Variants in RAP1A observed in about 807,000 individuals in gnomAD.
The protein encoded by RAP1A is RAP1A, member of RAS oncogene family.
A neutral mutation model predicts 26.4 loss-of-function variants in RAP1A; 6 were observed. That is an observed-to-expected ratio of 0.23 (90% confidence interval 0.12 to 0.45). The LOEUF is 0.45. Ranked by LOEUF, RAP1A falls within the 20% of genes least tolerant of loss-of-function variation. RAP1A has a pLI of 0.99. For synonymous variants in RAP1A, 73 were observed against 79.4 expected, an observed-to-expected ratio of 0.92 and a Z score of 0.43; for missense variants, 121 against 217.2, an observed-to-expected ratio of 0.56 and a Z score of 2.78.
chr1:111,684,859 A>G (rs1316704711), intron 1 of RAP1A, among the ~76,000 whole-genome samples: 4 of 152,206 alleles, frequency 2.6e-5, no homozygotes, highest in African/African-American at 9.6e-5. Flanking sequence ...AGCTGGAGGT[A>G]TCACACTACC....
At chr1:111,601,626 T>C (rs1658673993) in intron 1 of RAP1A, among the ~76,000 whole-genome samples, 2 of 152,224 alleles carry the variant, frequency 1.3e-5, no homozygotes. Flanking sequence ...CCTGTCTATG[T>C]ACCATCTTCC....
intron 1 of RAP1A, among the ~76,000 whole-genome samples, chr1:111,546,216 T>C (rs1349013019): frequency 6.6e-6 from 1 of 152,208 alleles, no homozygotes; most frequent in Non-Finnish European, 1.5e-5. Flanking sequence ...ATTTAGAAAG[T>C]ACTGCCATCA....
chr1:111,623,785 AC>A (rs1325400246), intron 1 of RAP1A, among the ~76,000 whole-genome samples: 1 of 152,210 alleles, frequency 6.6e-6, no homozygotes, highest in Non-Finnish European at 1.5e-5. Flanking sequence ...AAACTATACC[AC>A]TGTGAGGGCT....
At chr1:111,643,655 T>G (rs1659962495) in intron 1 of RAP1A, among the ~76,000 whole-genome samples, 1 of 152,196 alleles carries the variant, frequency 6.6e-6, no homozygotes, top group East Asian at 1.9e-4. Flanking sequence ...TTAAATGCCT[T>G]GTGGATGTAC....
intron 1 of RAP1A, among the ~76,000 whole-genome samples, chr1:111,559,178 A>C (rs1039354479): frequency 6.6e-6 from 1 of 152,186 alleles, no homozygotes; most frequent in African/African-American, 2.4e-5. Context: ...GATACAACTA[A>C]ACTAGTATTT....
intron 1 of RAP1A, among the ~76,000 whole-genome samples, chr1:111,572,947 T>C (rs1185494489): frequency 6.6e-6 from 1 of 152,194 alleles, no homozygotes. Context: ...CCCCTCTTTG[T>C]GTCCATGTGT....
chr1:111,657,005 C>G (rs1473606539), intron 1 of RAP1A, among the ~76,000 whole-genome samples: 2 of 151,690 alleles, frequency 1.3e-5, no homozygotes, highest in African/African-American at 2.4e-5. Flanking sequence ...TTCCCCATCC[C>G]CCTTCTCCGC....
At chr1:111,694,015 A>G (rs868449083) in intron 2 of RAP1A, among the ~76,000 whole-genome samples, 1 of 151,906 alleles carries the variant, frequency 6.6e-6, no homozygotes. Context: ...TAGCTACCCA[A>G]GTAGCTGGGA....
At chr1:111,617,940 G>A (rs1045585982), upstream of RAP1A, among the ~76,000 whole-genome samples, 8 of 151,868 alleles carry the variant, frequency 5.3e-5, no homozygotes, top group African/African-American at 1.9e-4. Flanking sequence ...CTGCTTTGGA[G>A]GCTGAGACAG....
intron 3 of RAP1A, among the ~76,000 whole-genome samples, chr1:111,696,066 G>A (rs1661818493): frequency 6.6e-6 from 1 of 152,178 alleles, no homozygotes; most frequent in South Asian, 2.1e-4. Context: ...CCTCAGTTTT[G>A]CTGTGAAACT....
At chr1:111,623,498 C>T (rs1180808033) in intron 1 of RAP1A, among the ~76,000 whole-genome samples, 2 of 152,108 alleles carry the variant, frequency 1.3e-5, no homozygotes, top group Non-Finnish European at 2.9e-5. Flanking sequence ...CCTCTGCCTC[C>T]GAGGTTCAAG....
intron 1 of RAP1A, among the ~76,000 whole-genome samples, chr1:111,566,619 T>C (rs927700950): frequency 6.6e-6 from 1 of 152,230 alleles, no homozygotes; most frequent in Non-Finnish European, 1.5e-5. Flanking sequence ...TTTTTGGAAG[T>C]TAATGTATTC....
At chr1:111,698,203 CT>C in intron 4 of RAP1A, among the ~76,000 whole-genome samples, 1 of 152,130 alleles carries the variant, frequency 6.6e-6, no homozygotes, top group South Asian at 2.1e-4. Context: ...CTTTGCTTTT[CT>C]TTGTTTATTT....
At chr1:111,675,688 A>G (rs970058597) in intron 1 of RAP1A, among the ~76,000 whole-genome samples, 2 of 152,098 alleles carry the variant, frequency 1.3e-5, no homozygotes, top group African/African-American at 4.8e-5. Context: ...TACTTTGCAA[A>G]TGCCTGATTC....
intron 1 of RAP1A, among the ~76,000 whole-genome samples, chr1:111,627,857 AATAAAT>A (rs1351296860): frequency 1.3e-5 from 2 of 151,958 alleles, no homozygotes; most frequent in African/African-American, 4.8e-5. Context: ...TATAGTATGT[AATAAAT>A]ATAAATATTA....
intron 1 of RAP1A, among the ~76,000 whole-genome samples, chr1:111,683,243 A>G (rs961704361): frequency 6.6e-5 from 10 of 152,212 alleles, no homozygotes. Context: ...ACACCCTAGC[A>G]TCACAATTAA....
At chr1:111,709,491 T>C (rs1662308161) in intron 7 of RAP1A, among the ~76,000 whole-genome samples, 1 of 151,956 alleles carries the variant, frequency 6.6e-6, no homozygotes, top group African/African-American at 2.4e-5. Context: ...CTTGCCACTG[T>C]GTCCCCAGTG....
upstream of RAP1A, chr1:111,619,785 C>CGCTGCCGCCGCTCCCGAGGCCCCT (rs1659112777): frequency 5.0e-6 from 2 of 397,516 alleles, no homozygotes; most frequent in African/African-American, 4.1e-5. Flanking sequence ...CTGGAGGAGG[C>CGCTGCCGCCGCTCCCGAGGCCCCT]GCCGCCGCCG....
rs187590949 is a variant in RAP1A, at chr1:111,562,671, T to C, written c.-28+20162T>C. Among the ~76,000 whole-genome samples the C allele has an allele frequency of 3.3e-5, 5 of 152,346 alleles. No individual in the cohort carries two copies. The East Asian group carries it at 9.6e-4, about 29-fold the overall frequency. On this transcript the variant is annotated intron_variant, in intron 1 of 7. Coordinates refer to the RAP1A transcript ENST00000356415. ...CCTAAACCCACTGCCATGTTTCAAA[T>C]GAAAGTAATCCATTGTGAATCCAAG...
Sources: gnomAD v4.1 joint callset for allele counts (sites outside exome capture counted in the v4.1 genomes callset) on GRCh38, gnomAD v4.1.1 for gene constraint, MANE v1.5 for transcripts, NCBI Gene and HGNC (gene_info 2026-07-23, HGNC 2026-07-21) for gene names.